The following TTC6 variants were observed in gnomAD, a reference collection of about 807,000 sequenced individuals.
TTC6 encodes the protein tetratricopeptide repeat domain 6, also known as tetratricopeptide repeat protein 6.
Under a neutral mutation model 210.4 loss-of-function variants are expected in TTC6, and 172 were observed. That is an observed-to-expected ratio of 0.82 (90% CI 0.72 to 0.93). The LOEUF (loss-of-function observed/expected upper bound fraction) is 0.93. Ranked by LOEUF, TTC6 falls within the 40% of genes least tolerant of loss-of-function variation. The pLI is 0.00. For synonymous variants in TTC6, 804 were observed against 819.6 expected (o/e 0.98, Z 0.32); for missense variants, 2,414 against 2,318.1 (o/e 1.04, Z -0.85).
rs565701279 is a variant in TTC6, at chr14:37,603,842, T to C, written c.-234-2821T>C. Among the ~76,000 whole-genome samples the C allele has an allele frequency of 4.9e-4, 75 of 152,340 alleles. No homozygotes were observed. In the Middle Eastern group the frequency reaches 0.034, roughly 69 times the overall value. On this transcript the variant is annotated intron_variant, in intron 1 of 2. Coordinates refer to the TTC6 transcript ENST00000556845. Reference sequence around the variant, plus strand: ...GTGCAGTCGGACATGTTCAATGCAATTCCGGCTTGGAATCAGACCTGGATT... The same window carrying C: ...GTGCAGTCGGACATGTTCAATGCAACTCCGGCTTGGAATCAGACCTGGATT...
intron 1 of TTC6, among the ~76,000 whole-genome samples, chr14:37,664,866 A>G (rs775887273): frequency 1.3e-5 from 2 of 150,742 alleles, no homozygotes; most frequent in Non-Finnish European, 1.5e-5. Context: ...TCAAAAGAAG[A>G]CATACTTGTG....
At chr14:37,837,089 T>A (rs1389038190) in intron 29 of TTC6, among the ~76,000 whole-genome samples, 1 of 152,220 alleles carries the variant, frequency 6.6e-6, no homozygotes, top group Non-Finnish European at 1.5e-5. Flanking sequence ...CTCTAACTGC[T>A]TCTTAGTTAA....
At chr14:37,812,220 A>G (rs976585748) in intron 24 of TTC6, 94 bp from the exon 27 acceptor site, 119 of 1,293,036 alleles carry the variant, frequency 9.2e-5, no homozygotes, top group Non-Finnish European at 1.2e-4. Context: ...AGAACTAACC[A>G]TTGGGTCCTA....
At chr14:37,789,451 A>G (rs989262668) in intron 15 of TTC6, among the ~76,000 whole-genome samples, 1 of 151,896 alleles carries the variant, frequency 6.6e-6, no homozygotes. Context: ...GATAACAGTC[A>G]TGCGCCACAT....
intron 1 of TTC6, among the ~76,000 whole-genome samples, chr14:37,638,637 G>T (rs939676052): frequency 6.6e-6 from 1 of 151,714 alleles, no homozygotes; most frequent in Non-Finnish European, 1.5e-5. Context: ...GGGGCGGGGG[G>T]GCTGGGAGGG....
chr14:37,768,982 AC>A (rs1162510277), intron 14 of TTC6, among the ~76,000 whole-genome samples: 2 of 151,982 alleles, frequency 1.3e-5, no homozygotes, highest in African/African-American at 4.8e-5. Context: ...TCCCATCAAT[AC>A]CTAATTTATT....
chr14:37,700,942 A>T (rs2095824163), intron 4 of TTC6, among the ~76,000 whole-genome samples: 1 of 152,104 alleles, frequency 6.6e-6, no homozygotes, highest in Admixed American at 6.6e-5. Context: ...TAGGGACATT[A>T]GCATTTGACC....
At position 37,701,573 on chromosome 14, in the gene TTC6, C is replaced by T. The variant is rs552089508; in HGVS notation, c.1571+47C>T. The T allele has an allele frequency of 8.4e-5, 115 of 1,366,538 alleles. No individual in the cohort carries two copies. In the African/African-American group the frequency reaches 1.5e-3, roughly 18 times the overall value. 84.7% of individuals were successfully genotyped at this position (1,366,538 alleles called of 1,614,324 possible). ...TGATTTTAAGCTAAATGTAAACTGT[C>T]ATATAAATCCTGCCTTTTGAGTTCT... is the stretch of plus-strand genomic sequence containing the variant. On this transcript the variant is annotated intron_variant, in intron 5 of 30. Coordinates refer to ENST00000553443, the Ensembl canonical transcript of TTC6.
chr14:37,755,714 A>G (rs912372666), intron 14 of TTC6, among the ~76,000 whole-genome samples: 4 of 151,950 alleles, frequency 2.6e-5, no homozygotes, highest in African/African-American at 9.7e-5. Context: ...TGGTCTCTGT[A>G]TCTGTTTTGA....
exon 1 of TTC6, chr14:37,622,965 C>T (rs796905611): frequency 1.1e-5 from 17 of 1,510,786 alleles, no homozygotes; most frequent in Admixed American, 4.3e-5. Flanking sequence ...AGAGCTCATA[C>T]GGAGCGTCCT....
At chr14:37,767,760 C>T (rs1399808544) in intron 14 of TTC6, among the ~76,000 whole-genome samples, 1 of 151,446 alleles carries the variant, frequency 6.6e-6, no homozygotes, top group East Asian at 1.9e-4. Flanking sequence ...TGCCTGTTCA[C>T]TCTGATGGTA....
intron 20 of TTC6, among the ~76,000 whole-genome samples, chr14:37,800,148 A>G (rs370711727): frequency 2.0e-5 from 3 of 152,192 alleles, no homozygotes; most frequent in South Asian, 4.1e-4. Context: ...AAAAGCTTCA[A>G]TCACCTCAAA....
intron 12 of TTC6, among the ~76,000 whole-genome samples, chr14:37,750,126 G>A (rs1052988553): frequency 6.6e-6 from 1 of 152,122 alleles, no homozygotes; most frequent in Admixed American, 6.5e-5. Flanking sequence ...AAAATAGTTA[G>A]TTATAGAAGT....
chr14:37,697,222 A>G (rs1460972615), intron 4 of TTC6, among the ~76,000 whole-genome samples: 2 of 152,106 alleles, frequency 1.3e-5, no homozygotes, highest in Non-Finnish European at 2.9e-5. Context: ...AAGCCAACAC[A>G]AAATGTGCAT....
At chr14:37,725,716 TAAG>T (rs1443527094) in intron 7 of TTC6, among the ~76,000 whole-genome samples, 1 of 152,148 alleles carries the variant, frequency 6.6e-6, no homozygotes, top group African/African-American at 2.4e-5. Flanking sequence ...TTTAGCTAGT[TAAG>T]AAGAATATTC....
intron 1 of TTC6, among the ~76,000 whole-genome samples, chr14:37,631,000 G>T (rs2095668993): frequency 7.5e-6 from 1 of 133,252 alleles, no homozygotes; most frequent in South Asian, 2.6e-4. Context: ...GAGCCTATAT[G>T]TGTCTTTGCT....
At chr14:37,709,931 AT>A (rs774425458) in intron 5 of TTC6, among the ~76,000 whole-genome samples, 4 of 152,162 alleles carry the variant, frequency 2.6e-5, no homozygotes, top group Non-Finnish European at 5.9e-5. Flanking sequence ...TTTAAACAAC[AT>A]TCTCTGTAAG....
chr14:37,756,891 T>C (rs2095969595), intron 14 of TTC6, among the ~76,000 whole-genome samples: 1 of 152,216 alleles, frequency 6.6e-6, no homozygotes, highest in Non-Finnish European at 1.5e-5. Flanking sequence ...AGTCCCTCTT[T>C]TTCTATTGTT....
rs146794999 is a variant in TTC6 at position 37,709,968 on chromosome 14, C to T, written c.1572-4687C>T. Among the ~76,000 whole-genome samples, 287 of 152,232 alleles carry T rather than the reference C, an allele frequency of 1.9e-3. 2 individuals carry two copies. Among genetic ancestry groups the T allele is most frequent in the African/African-American group, 6.5e-3 (270 of 41,556 alleles). On this transcript the variant is annotated intron_variant, in intron 5 of 30. Coordinates refer to ENST00000553443, the Ensembl canonical transcript of TTC6. ...TTAATGTTTTTCAAATTGTGGATTG[C>T]GACCCAGTGAGTGGGTTGTGAAATC... is the stretch of plus-strand genomic sequence containing the variant.
Sources: gnomAD v4.1 joint callset for allele counts (sites outside exome capture counted in the v4.1 genomes callset) on GRCh38, gnomAD v4.1.1 for gene constraint, MANE v1.5 for transcripts, NCBI Gene and HGNC (gene_info 2026-07-23, HGNC 2026-07-21) for gene names.